ALPK3: variants seen among roughly 807,000 people sequenced by gnomAD.
The protein encoded by ALPK3 is alpha-protein kinase 3.
In ALPK3, 102 loss-of-function variants were observed where a neutral mutation model predicts 140.0. That is an observed-to-expected ratio of 0.73 (90% CI 0.62 to 0.86). The LOEUF (loss-of-function observed/expected upper bound fraction) is 0.86, where lower values mean the gene tolerates loss of function less well. Among genes scored for constraint, ALPK3 ranks in the 40% least tolerant of loss-of-function variants. The pLI, the probability that ALPK3 is intolerant of heterozygous loss-of-function variation, is 0.00. For synonymous variants in ALPK3, 938 were observed against 898.5 expected (o/e 1.04, Z -0.79); for missense variants, 2,254 against 2,208.2 (o/e 1.02, Z -0.42).
Position 84,840,330 on chromosome 15 carries a change from G to A in ALPK3, c.1051G>A (p.Glu351Lys), listed in dbSNP as rs374922996. 1.9e-6 allele frequency: 3 copies of A among 1,613,974 alleles called. No homozygotes were observed. The highest frequency in any genetic ancestry group is 1.7e-6 in the Non-Finnish European group (2 of 1,179,972). ...AGAAAACTGCATCCCCAGCTCAGAC[G>A]AGCCTGACTCCTGTGGGACTCAGGG... The part of the protein sequence containing the change: ...SSENCIPSSD[E>K]PDSCGTQGPV... Residue 351 changes from glutamate to lysine, a missense_variant, in exon 5 of 14, where the codon GAG (glutamate) becomes AAG (lysine). Coordinates refer to ENST00000258888, the MANE Select transcript of ALPK3 (RefSeq NM_020778.5).
At chr15:84,832,674 T>C (rs986038646) in intron 3 of ALPK3, among the ~76,000 whole-genome samples, 4 of 152,238 alleles carry the variant, frequency 2.6e-5, no homozygotes, top group Non-Finnish European at 5.9e-5. Flanking sequence ...TGACACATCA[T>C]GCCTCTCCAG....
rs78172822 is a variant in ALPK3 at position 84,870,874 on chromosome 15, G to A, written c.*2418G>A. 25 of 152,282 alleles carry A rather than the reference G, an allele frequency of 1.6e-4. No homozygotes were observed. The highest frequency in any genetic ancestry group is 5.3e-4 in the African/African-American group (22 of 41,550). The allele number at this position is 152,282 out of a possible 1,614,324, so 9.4% of individuals were successfully genotyped here. ...AACCCTGAAGATGCTTCTAACACAC[G>A]TGCTGTTCTCCCATCTCACGTATGA... On this transcript the variant is annotated 3_prime_UTR_variant, in exon 14 of 14. Coordinates refer to ENST00000258888, the MANE Select transcript of ALPK3 (RefSeq NM_020778.5).
Position 84,840,556 on chromosome 15 carries a change from T to C in ALPK3, c.1277T>C (p.Val426Ala). 6.3e-7 allele frequency: 1 copy of C among 1,591,972 alleles called. No individual in the cohort carries two copies. The highest frequency in any genetic ancestry group is 8.5e-7 in the Non-Finnish European group (1 of 1,170,546). ...KDMYLENTQA[V>A]RPLGEEGPQT... Reference sequence around the variant, plus strand: ...ATGTACCTGGAGAACACCCAGGCAGTCAGGCCTCTTGGGGAAGAGGGACCC... The same window carrying C: ...ATGTACCTGGAGAACACCCAGGCAGCCAGGCCTCTTGGGGAAGAGGGACCC... The change falls in exon 5 of 14, where the codon GTC becomes GCC. Residue 426 changes from valine to alanine, a missense_variant. This residue lies in a region of ALPK3 where 2,088 missense variants were observed against 2,022.9 expected (regional missense o/e 1.03). Coordinates refer to ENST00000258888, the MANE Select transcript of ALPK3 (RefSeq NM_020778.5).
At chr15:84,819,725 A>C (rs910320276) in intron 1 of ALPK3, among the ~76,000 whole-genome samples, 1 of 152,168 alleles carries the variant, frequency 6.6e-6, no homozygotes, top group Non-Finnish European at 1.5e-5. Flanking sequence ...CTGAGAGGCA[A>C]GTTCTGTCCC....
At chr15:84,864,306 T>G in intron 11 of ALPK3, 136 bp from the exon 12 acceptor site, 1 of 898,768 alleles carries the variant, frequency 1.1e-6, no homozygotes, top group Non-Finnish European at 1.7e-6. Context: ...TTTCCTTTGC[T>G]GTCCTTTGGG....
intron 11 of ALPK3, 63 bp from the exon 12 acceptor site, chr15:84,864,379 G>T (rs938294882): frequency 6.6e-7 from 1 of 1,506,208 alleles, no homozygotes; most frequent in Non-Finnish European, 9.2e-7. Context: ...TACAGAATTG[G>T]GTGGGAGGGA....
chr15:84,827,423 G>C (rs756347475), intron 2 of ALPK3, 61 bp from the exon 3 acceptor site: 31 of 1,607,276 alleles, frequency 1.9e-5, no homozygotes, highest in Non-Finnish European at 2.6e-5. Context: ...CCTTGGACAG[G>C]CCAGGCTGTG....
chr15:84,830,894 T>TGA (rs147782138), intron 3 of ALPK3, among the ~76,000 whole-genome samples: 2 of 152,048 alleles, frequency 1.3e-5, no homozygotes, highest in Admixed American at 6.5e-5. Flanking sequence ...TGTGTGTGTG[T>TGA]GATAGAGACT....
chr15:84,854,944 A>C lies in ALPK3; in HGVS notation c.1654-1448A>C, dbSNP rs184718747. ...TCAGCTCTTTTGCTGTTGTTTTCTC[A>C]ATCATCTTTTGGTTGACTACATTTG... On this transcript the variant is annotated intron_variant, in intron 5 of 13. Transcript: ENST00000258888. Among the ~76,000 whole-genome samples, 5 of 151,106 alleles carry C rather than the reference A, an allele frequency of 3.3e-5. No individual in the cohort carries two copies. In the East Asian group the frequency reaches 7.7e-4, roughly 23 times the overall value.
chr15:84,838,245 G>A (rs1215948198), intron 3 of ALPK3, among the ~76,000 whole-genome samples: 1 of 152,146 alleles, frequency 6.6e-6, no homozygotes, highest in African/African-American at 2.4e-5. Flanking sequence ...AAGGAGGAGG[G>A]CTCTTAGAAG....
Position 84,873,395 on chromosome 15 carries a change from A to C in ALPK3, c.*4939A>C, listed in dbSNP as rs777402056. On this transcript the variant is annotated 3_prime_UTR_variant, in exon 14 of 14. Coordinates refer to ENST00000258888, the MANE Select transcript of ALPK3 (RefSeq NM_020778.5). ...AGCCAAGCCCTCCTAAAATAGTAAT[A>C]ACAGTATCTGGCGATTTGAGCTTTT... 3.3e-5 allele frequency: 5 copies of C among 152,194 alleles called. No homozygotes were observed. Among genetic ancestry groups the C allele is most frequent in the Non-Finnish European group, 7.3e-5 (5 of 68,030 alleles). The allele number at this position is 152,194 out of a possible 1,614,324, so 9.4% of individuals were successfully genotyped here.
chr15:84,856,683 A>G lies in ALPK3; in HGVS notation c.1945A>G (p.Lys649Glu). 5 of 1,614,104 alleles carry G rather than the reference A, an allele frequency of 3.1e-6. No individual in the cohort carries two copies. The highest frequency in any genetic ancestry group is 4.2e-6 in the Non-Finnish European group (5 of 1,180,024). ...GGTGGATGCTGGGACACAAGAAAGC[A>G]AGAGGCCACAGTCAGACAGGAGTGC... The part of the protein sequence containing the change: ...TQVDAGTQES[K>E]RPQSDRSAQK... Residue 649 changes from lysine to glutamate, a missense_variant, in exon 6 of 14, where the codon AAG becomes GAG. Physicochemically the swap from Lys to Glu is moderately conservative, Grantham distance 56. Around this residue, in one of 3 missense-constraint regions of ALPK3, gnomAD observed 2,088 missense variants for 2,022.9 expected, o/e 1.03. Transcript: ENST00000258888.
In ALPK3 at chr15:84,871,178, T is replaced by C. The variant is rs1243017277; in HGVS notation, c.*2722T>C. The C allele has an allele frequency of 6.6e-6, 1 of 152,626 alleles. No individual in the cohort carries two copies. Among genetic ancestry groups the C allele is most frequent in the Admixed American group, 6.5e-5 (1 of 15,292 alleles). The allele number at this position is 152,626 out of a possible 1,614,324, so 9.5% of individuals were successfully genotyped here. On this transcript the variant is annotated 3_prime_UTR_variant, in exon 14 of 14. Coordinates refer to ENST00000258888, the MANE Select transcript of ALPK3 (RefSeq NM_020778.5). Reference sequence around the variant, plus strand: ...TACAGTCCATTTCTAGAACTGGTCATGAGAACTCATGTTTATGATGATGGA... The same window carrying C: ...TACAGTCCATTTCTAGAACTGGTCACGAGAACTCATGTTTATGATGATGGA...
At chr15:84,828,653 C>T (rs904147319) in intron 3 of ALPK3, among the ~76,000 whole-genome samples, 9 of 152,238 alleles carry the variant, frequency 5.9e-5, no homozygotes, top group African/African-American at 2.2e-4. Flanking sequence ...TGAGAACACT[C>T]TCTGCTCCGA....
rs751858888 is a variant in ALPK3, at chr15:84,868,394, A to T, written c.5056A>T (p.Thr1686Ser). 1 of 1,613,120 alleles carries T rather than the reference A, an allele frequency of 6.2e-7. No individual in the cohort carries two copies. Among genetic ancestry groups the T allele is most frequent in the Non-Finnish European group, 8.5e-7 (1 of 1,179,952 alleles). Residue 1686 changes from threonine (T) to serine (S), a missense_variant, in exon 14 of 14, where the codon ACT (threonine) becomes TCT (serine). Thr to Ser is a moderately conservative substitution (Grantham distance 58, BLOSUM62 1). Around this residue, in one of 3 missense-constraint regions of ALPK3, gnomAD observed 158 missense variants for 159.8 expected, o/e 0.99. Coordinates refer to ENST00000258888, the MANE Select transcript of ALPK3 (RefSeq NM_020778.5). ...ATPQASEPVTTQLLGQPPTQE... is the reference protein window; with the variant it reads ...ATPQASEPVTSQLLGQPPTQE... ...CCCTCAGGCCTCAGAGCCAGTCACC[A>T]CTCAGTTGTTGGGACAGCCTCCCAC...
In ALPK3 at chr15:84,868,323, C is replaced by G. The variant is rs758355902; in HGVS notation, c.4985C>G (p.Pro1662Arg). Reference protein sequence around the residue: ...LSPQPQKKGLPSPQGTRKSAP... With the variant: ...LSPQPQKKGLRSPQGTRKSAP... ...CCTCAGCCCCAGAAGAAAGGCCTCC[C>G]TAGTCCTCAGGGCACCCGGAAGAGT... Residue 1662 changes from proline (P) to arginine (R), a missense_variant, in exon 14 of 14, where the codon CCT becomes CGT. Physicochemically the swap from Pro to Arg is moderately radical, Grantham distance 103 (BLOSUM62 -2). Coordinates refer to ENST00000258888, the MANE Select transcript of ALPK3 (RefSeq NM_020778.5). The G allele has an allele frequency of 6.2e-7, 1 of 1,614,136 alleles. No homozygotes were observed. The highest frequency in any genetic ancestry group is 1.1e-5 in the South Asian group (1 of 91,088).
chr15:84,836,010 A>G (rs932020926), intron 3 of ALPK3, among the ~76,000 whole-genome samples: 3 of 152,242 alleles, frequency 2.0e-5, no homozygotes, highest in African/African-American at 7.2e-5. Context: ...AGTGTATAAT[A>G]TGTCAGGTAG....
intron 5 of ALPK3, among the ~76,000 whole-genome samples, chr15:84,846,110 G>A (rs1442719411): frequency 2.0e-5 from 3 of 152,024 alleles, no homozygotes; most frequent in Admixed American, 6.6e-5. Flanking sequence ...AACAGCATTG[G>A]AAATGCTTGG....
chr15:84,868,479 C>T lies in ALPK3; in HGVS notation c.*23C>T, dbSNP rs999396615. 2 of 1,581,182 alleles carry T rather than the reference C, an allele frequency of 1.3e-6. No homozygotes were observed. The highest frequency in any genetic ancestry group is 2.2e-5 in the East Asian group (1 of 44,466). On this transcript the variant is annotated 3_prime_UTR_variant, in exon 14 of 14. Transcript: ENST00000258888. ...TAGCCTCCGCAGAGGCTGGGGGCCT[C>T]CACCCAGCAGCAGACCAACCAGGAA...
Sources: gnomAD v4.1 joint callset for allele counts (sites outside exome capture counted in the v4.1 genomes callset) on GRCh38, gnomAD v4.1.1 for gene constraint, gnomAD v4.1.1 regional missense constraint, MANE v1.5 for transcripts, NCBI Gene and HGNC (gene_info 2026-07-23, HGNC 2026-07-21) for gene names.